SREBF2: variants seen among roughly 807,000 people sequenced by gnomAD.
SREBF2 encodes sterol regulatory element binding transcription factor 2, also known as sterol regulatory element-binding protein 2.
In SREBF2, 55 loss-of-function variants were observed where a neutral mutation model predicts 113.1. That is an observed-to-expected ratio of 0.49 (90% CI 0.39 to 0.61). The LOEUF (loss-of-function observed/expected upper bound fraction) is 0.61. Ranked by LOEUF, SREBF2 falls within the 20% of genes least tolerant of loss-of-function variation. SREBF2 has a pLI of 0.00. For synonymous variants in SREBF2, 593 were observed against 605.7 expected (o/e 0.98, Z 0.31); for missense variants, 1,349 against 1,487.4 (o/e 0.91, Z 1.53).
intron 10 of SREBF2, among the ~76,000 whole-genome samples, chr22:41,882,452 C>A (rs952179409): frequency 6.6e-6 from 1 of 152,110 alleles, no homozygotes; most frequent in Non-Finnish European, 1.5e-5. Context: ...GCAAGGGAGC[C>A]TATGAGAGTG....
chr22:41,905,982 C>T lies in SREBF2; in HGVS notation c.*322C>T. The T allele has an allele frequency of 5.3e-6, 3 of 570,736 alleles. No individual in the cohort carries two copies. Among genetic ancestry groups the T allele is most frequent in the Non-Finnish European group, 1.0e-5 (3 of 301,106 alleles). The allele number at this position is 570,736 out of a possible 1,614,324, so 35.4% of individuals were successfully genotyped here. ...CTTCCTGAGTTTCTCTCTCCTGAAC[C>T]CTACTCTCTCCTTTTTGCTTCCTCA... On this transcript the variant is annotated 3_prime_UTR_variant, in exon 19 of 19. Transcript: ENST00000361204.
chr22:41,850,215 C>T (rs947753002), intron 1 of SREBF2, among the ~76,000 whole-genome samples: 6 of 150,924 alleles, frequency 4.0e-5, no homozygotes, highest in Non-Finnish European at 8.9e-5. Context: ...TTTGGGAGGC[C>T]GAGGCAGGTG....
At chr22:41,882,129 A>C in intron 10 of SREBF2, among the ~76,000 whole-genome samples, 1 of 152,150 alleles carries the variant, frequency 6.6e-6, no homozygotes, top group Non-Finnish European at 1.5e-5. Context: ...GGCCAAATAG[A>C]AGCTGATGCA....
intron 15 of SREBF2, 161 bp from the exon 16 acceptor site, chr22:41,900,169 G>A: frequency 6.6e-7 from 1 of 1,512,306 alleles, no homozygotes; most frequent in Non-Finnish European, 8.8e-7. Flanking sequence ...TGGCATTTCA[G>A]ATCTGGAGCT....
Position 41,893,362 on chromosome 22 carries a change from C to T in SREBF2, c.2377+77C>T, listed in dbSNP as rs1416723265. The T allele has an allele frequency of 2.1e-6, 3 of 1,447,176 alleles. No homozygotes were observed. The African/African-American group carries it at 4.2e-5, about 20-fold the overall frequency. 89.6% of individuals were successfully genotyped at this position (1,447,176 alleles called of 1,614,324 possible). On this transcript the variant is annotated intron_variant, in intron 12 of 18. Transcript: ENST00000361204. ...GGTACTACAGAGTCACTGCACCAGACACGCGGAGACACGGGTTGTCTCTTA... is the reference window on the plus strand; with the variant it reads ...GGTACTACAGAGTCACTGCACCAGATACGCGGAGACACGGGTTGTCTCTTA...
At chr22:41,839,289 A>G (rs1569367730) in intron 1 of SREBF2, among the ~76,000 whole-genome samples, 1 of 152,170 alleles carries the variant, frequency 6.6e-6, no homozygotes, top group Non-Finnish European at 1.5e-5. Flanking sequence ...CCATTAGGAA[A>G]TGAGATGTAG....
In SREBF2 at chr22:41,884,948, G is replaced by T. The variant is rs1460394602; in HGVS notation, c.2145G>T (p.Glu715Asp). ...EEKIPPSTLV[E>D]IHLTAAMGLK... Reference sequence around the variant, plus strand: ...AGATCCCACCGAGCACACTGGTTGAGATCCATCTGACTGCTGCCATGGGGC... The same window carrying T: ...AGATCCCACCGAGCACACTGGTTGATATCCATCTGACTGCTGCCATGGGGC... Residue 715 changes from glutamate (E) to aspartate (D), a missense_variant, in exon 11 of 19, where the codon GAG (glutamate) becomes GAT (aspartate). Transcript: ENST00000361204. 1 of 1,614,230 alleles carries T rather than the reference G, an allele frequency of 6.2e-7. No homozygotes were observed. Among genetic ancestry groups the T allele is most frequent in the Admixed American group, 1.7e-5 (1 of 60,030 alleles).
At chr22:41,895,076 T>C in intron 13 of SREBF2, 139 bp downstream of exon 13, 1 of 712,340 alleles carries the variant, frequency 1.4e-6, no homozygotes, top group Admixed American at 2.1e-5. Flanking sequence ...CCTTTGTATT[T>C]AATTTCTCAA....
chr22:41,898,359 C>G (rs1440122519), intron 14 of SREBF2, among the ~76,000 whole-genome samples: 1 of 152,160 alleles, frequency 6.6e-6, no homozygotes, highest in African/African-American at 2.4e-5. Flanking sequence ...CTCAGGTGAT[C>G]CACCTGCCTC....
In SREBF2 at chr22:41,900,503, G is replaced by T. The variant is rs1304254721; in HGVS notation, c.2907+5G>T. Reference sequence around the variant, plus strand: ...TCTGACCCTGCCCTCAACCACGTGAGTGGGAGCTGAGTTGGCCCCTGGGGG... The same window carrying T: ...TCTGACCCTGCCCTCAACCACGTGATTGGGAGCTGAGTTGGCCCCTGGGGG... On this transcript the variant is annotated splice_donor_5th_base_variant and intron_variant, in intron 16 of 18. Transcript: ENST00000361204. The T allele has an allele frequency of 6.2e-7, 1 of 1,612,476 alleles. No individual in the cohort carries two copies. The highest frequency in any genetic ancestry group is 8.5e-7 in the Non-Finnish European group (1 of 1,179,302).
At chr22:41,870,221 T>C (rs1042473741) in intron 3 of SREBF2, among the ~76,000 whole-genome samples, 2 of 152,228 alleles carry the variant, frequency 1.3e-5, no homozygotes, top group Admixed American at 1.3e-4. Flanking sequence ...CAGCCATGTG[T>C]CTGGCTTTCC....
intron 15 of SREBF2, chr22:41,898,993 C>A: frequency 1.4e-6 from 1 of 718,144 alleles, no homozygotes; most frequent in South Asian, 1.6e-5. Context: ...CTGCACAACA[C>A]GACAGTTGTC....
rs374234598 is a variant in SREBF2 at position 41,884,963 on chromosome 22, T to C, written c.2160T>C (p.Ala720=). 606 of 1,614,208 alleles carry C rather than the reference T, an allele frequency of 3.8e-4. 1 individual carries two copies. The highest frequency in any genetic ancestry group is 8.2e-4 in the Admixed American group (49 of 60,026). Reference sequence around the variant, plus strand: ...CACTGGTTGAGATCCATCTGACTGCTGCCATGGGGCTCAAGACCCGGTGTG... The same window carrying C: ...CACTGGTTGAGATCCATCTGACTGCCGCCATGGGGCTCAAGACCCGGTGTG... ...PSTLVEIHLT[A]AMGLKTRCGG... Residue 720 remains alanine, a synonymous_variant, in exon 11 of 19, where the codon GCT becomes GCC. Transcript: ENST00000361204.
chr22:41,861,131 A>C (rs1331515438), intron 1 of SREBF2, among the ~76,000 whole-genome samples: 1 of 152,252 alleles, frequency 6.6e-6, no homozygotes. Context: ...ATGCATGTGC[A>C]TGCTTAAGTG....
rs899015337 is a variant in SREBF2 at position 41,879,755 on chromosome 22, C to G, written c.1762-961C>G. 6.6e-5 allele frequency among the ~76,000 whole-genome samples: 10 copies of G among 152,332 alleles called. No homozygotes were observed. In the East Asian group the frequency reaches 1.9e-3, roughly 29 times the overall value. On this transcript the variant is annotated intron_variant, in intron 9 of 18. Coordinates refer to ENST00000361204, the MANE Select transcript of SREBF2 (RefSeq NM_004599.4). ...GAGAATTTACTTTCATTTCCCAAGACTATATAGCCTGTCCTCTAGTTTCCA... is the reference window on the plus strand; with the variant it reads ...GAGAATTTACTTTCATTTCCCAAGAGTATATAGCCTGTCCTCTAGTTTCCA...
intron 3 of SREBF2, among the ~76,000 whole-genome samples, chr22:41,869,294 G>A (rs1013026009): frequency 1.2e-4 from 13 of 111,078 alleles, no homozygotes; most frequent in African/African-American, 4.2e-4. Flanking sequence ...TAGTAGAGAC[G>A]GGATGTTGGC....
chr22:41,844,590 T>C (rs983397347), intron 1 of SREBF2, among the ~76,000 whole-genome samples: 2 of 152,210 alleles, frequency 1.3e-5, no homozygotes, highest in Admixed American at 6.5e-5. Context: ...GCTTGCAAAC[T>C]AGAAAATTTC....
chr22:41,894,216 G>A (rs752113396), intron 12 of SREBF2, among the ~76,000 whole-genome samples: 14 of 152,166 alleles, frequency 9.2e-5, no homozygotes, highest in Middle Eastern at 3.4e-3. Context: ...TCATTAGATC[G>A]AGGCCCACAT....
intron 1 of SREBF2, among the ~76,000 whole-genome samples, chr22:41,864,472 C>T (rs1397031960): frequency 1.3e-5 from 2 of 150,816 alleles, no homozygotes; most frequent in Admixed American, 6.6e-5. Context: ...AGGCGCCCAC[C>T]ACCACGCCCA....
Sources: gnomAD v4.1 joint callset for allele counts (sites outside exome capture counted in the v4.1 genomes callset) on GRCh38, gnomAD v4.1.1 for gene constraint, MANE v1.5 for transcripts, NCBI Gene and HGNC (gene_info 2026-07-23, HGNC 2026-07-21) for gene names.